AGMO: variants seen among roughly 807,000 people sequenced by gnomAD.
The protein encoded by AGMO is glyceryl-ether monooxygenase.
Under a neutral mutation model 60.2 loss-of-function variants are expected in AGMO, and 75 were observed. The observed-to-expected ratio is 1.25, with a 90% CI of 1.03 to 1.51. The LOEUF (loss-of-function observed/expected upper bound fraction) is 1.51. AGMO is among the 40% of genes most tolerant of loss of function. The pLI, the probability that AGMO is intolerant of heterozygous loss-of-function variation, is 0.00. For missense variants in AGMO, 763 were observed against 525.5 expected, an observed-to-expected ratio of 1.45 and a Z score of -4.42; for synonymous variants, 261 against 177.1, an observed-to-expected ratio of 1.47 and a Z score of -3.76.
intron 10 of AGMO, among the ~76,000 whole-genome samples, chr7:15,370,736 ATTTG>A (rs1202636356): frequency 2.0e-5 from 3 of 151,538 alleles, no homozygotes; most frequent in Admixed American, 6.6e-5. Context: ...TAATGTGGCT[ATTTG>A]TTTTTTTCTT....
intron 10 of AGMO, among the ~76,000 whole-genome samples, chr7:15,375,430 C>T (rs1328282844): frequency 1.7e-5 from 2 of 120,964 alleles, no homozygotes; most frequent in African/African-American, 6.7e-5. Flanking sequence ...GAGTCTTGCT[C>T]TGTTGCCTAG....
chr7:15,319,539 G>C (rs1193273075), intron 12 of AGMO, among the ~76,000 whole-genome samples: 1 of 152,048 alleles, frequency 6.6e-6, no homozygotes, highest in Non-Finnish European at 1.5e-5. Flanking sequence ...CATGTGTCAG[G>C]GTTGAATTAA....
the AGMO span, among the ~76,000 whole-genome samples, chr7:15,155,846 T>A: frequency 6.6e-6 from 1 of 152,062 alleles, no homozygotes; most frequent in Non-Finnish European, 1.5e-5. Flanking sequence ...AGGGTTTGAG[T>A]GTGGAATAAG....
chr7:15,177,627 G>GT, the AGMO span, among the ~76,000 whole-genome samples: 1 of 152,024 alleles, frequency 6.6e-6, no homozygotes, highest in African/African-American at 2.4e-5. Context: ...TTCAACCTCT[G>GT]TTTTTTAGCC....
chr7:15,455,378 A>G (rs1367313320), intron 3 of AGMO, among the ~76,000 whole-genome samples: 2 of 152,000 alleles, frequency 1.3e-5, no homozygotes, highest in African/African-American at 4.8e-5. Flanking sequence ...AAAGTTATGT[A>G]TTTATTTTTG....
intron 3 of AGMO, among the ~76,000 whole-genome samples, chr7:15,492,732 G>A (rs1305347744): frequency 6.6e-6 from 1 of 152,096 alleles, no homozygotes. Flanking sequence ...TAGATGGTAT[G>A]CAATATATCC....
intron 3 of AGMO, among the ~76,000 whole-genome samples, chr7:15,527,440 G>A (rs960315671): frequency 6.6e-6 from 1 of 152,120 alleles, no homozygotes; most frequent in Non-Finnish European, 1.5e-5. Context: ...ATTTTATGAG[G>A]GATGAAAGGG....
At chr7:15,146,041 G>C in the AGMO span, among the ~76,000 whole-genome samples, 1 of 152,104 alleles carries the variant, frequency 6.6e-6, no homozygotes, top group African/African-American at 2.4e-5. Flanking sequence ...GATTTATTCA[G>C]TGCATTTTAA....
At chr7:15,393,673 G>A (rs896487604) in intron 6 of AGMO, among the ~76,000 whole-genome samples, 1 of 152,264 alleles carries the variant, frequency 6.6e-6, no homozygotes, top group Middle Eastern at 3.4e-3. Flanking sequence ...CAACGCCTTA[G>A]GCAGGAAGGT....
chr7:15,196,135 C>A (rs140747418), downstream of AGMO, among the ~76,000 whole-genome samples: 2 of 150,692 alleles, frequency 1.3e-5, no homozygotes, highest in South Asian at 4.2e-4. Flanking sequence ...CTCTGCCTCC[C>A]GGGTTCGAGC....
the AGMO span, among the ~76,000 whole-genome samples, chr7:15,140,498 T>A: frequency 6.6e-6 from 1 of 152,302 alleles, no homozygotes; most frequent in East Asian, 1.9e-4. Context: ...TTATTCTGTC[T>A]TCATAGGACT....
At chr7:15,117,587 G>A in the AGMO span, among the ~76,000 whole-genome samples, 78 of 152,058 alleles carry the variant, frequency 5.1e-4, no homozygotes, top group Non-Finnish European at 1.0e-3. Flanking sequence ...TTCAGTATTT[G>A]GGTGATGGGT....
At chr7:15,333,161 T>C (rs935601766) in intron 12 of AGMO, among the ~76,000 whole-genome samples, 2 of 152,148 alleles carry the variant, frequency 1.3e-5, no homozygotes, top group Admixed American at 6.6e-5. Flanking sequence ...GAGCACCACT[T>C]TGTAGCTTGA....
At chr7:15,394,967 C>G (rs1784311426) in intron 5 of AGMO, among the ~76,000 whole-genome samples, 1 of 152,102 alleles carries the variant, frequency 6.6e-6, no homozygotes, top group Admixed American at 6.5e-5. Flanking sequence ...TCTATAAATT[C>G]TAAAAATCAT....
chr7:15,171,533 T>A, the AGMO span, among the ~76,000 whole-genome samples: 1 of 152,224 alleles, frequency 6.6e-6, no homozygotes, highest in Non-Finnish European at 1.5e-5. Flanking sequence ...GAGGGCAGAA[T>A]ATCAACACAA....
intron 10 of AGMO, among the ~76,000 whole-genome samples, chr7:15,384,235 C>T (rs919962136): frequency 2.0e-5 from 3 of 152,186 alleles, no homozygotes; most frequent in African/African-American, 7.2e-5. Flanking sequence ...CCACGCCCAG[C>T]CTCAATTTAG....
chr7:15,147,498 C>T, the AGMO span, among the ~76,000 whole-genome samples: 1 of 152,044 alleles, frequency 6.6e-6, no homozygotes, highest in Non-Finnish European at 1.5e-5. Context: ...GCATAAGACC[C>T]GCCTCCACGA....
chr7:15,352,189 C>G (rs1022027197), intron 12 of AGMO, among the ~76,000 whole-genome samples: 2 of 152,008 alleles, frequency 1.3e-5, no homozygotes, highest in African/African-American at 4.8e-5. Context: ...CGCCATAGAT[C>G]TTCAGTTTGC....
chr7:15,281,290 T>C (rs1181170052), intron 12 of AGMO, among the ~76,000 whole-genome samples: 2 of 152,168 alleles, frequency 1.3e-5, no homozygotes, highest in East Asian at 1.9e-4. Context: ...CTTTCTCCCC[T>C]TGTCCACCAC....
Sources: allele counts gnomAD v4.1 joint callset (sites outside exome capture counted in the v4.1 genomes callset), GRCh38; gene constraint gnomAD v4.1.1; transcripts MANE v1.5; gene names NCBI Gene and HGNC (gene_info 2026-07-23, HGNC 2026-07-21).